Variants in ZFHX3 observed in about 807,000 individuals in gnomAD.
ZFHX3 encodes zinc finger homeobox 3.
In ZFHX3, 42 loss-of-function variants were observed where a neutral mutation model predicts 279.1. The observed-to-expected ratio is 0.15, with a 90% CI of 0.12 to 0.19. ZFHX3 has a LOEUF of 0.19. Among genes scored for constraint, ZFHX3 ranks in the 10% least tolerant of loss-of-function variants. The probability of loss-of-function intolerance (pLI) is 1.00; values close to 1 mark genes in which losing one functional copy is unlikely to be tolerated. For synonymous variants in ZFHX3, 2,293 were observed against 1,957.8 expected (o/e 1.17, Z -4.52); for missense variants, 4,981 against 4,754.0 (o/e 1.05, Z -1.40).
intron 4 of ZFHX3, among the ~76,000 whole-genome samples, chr16:72,874,190 ATTTTTTGAT>A (rs1268859437): frequency 9.8e-6 from 1 of 102,302 alleles, no homozygotes; most frequent in Non-Finnish European, 1.8e-5. Context: ...CAGATGGAGG[ATTTTTTGAT>A]TTTTTTTTTT....
intron 4 of ZFHX3, among the ~76,000 whole-genome samples, chr16:72,866,638 G>T (rs1236902786): frequency 1.3e-5 from 2 of 152,304 alleles, no homozygotes; most frequent in African/African-American, 4.8e-5. Context: ...TCTTCACTGA[G>T]TAAGAAAGAA....
At chr16:73,606,788 T>G (rs1192415964) in intron 2 of ZFHX3, among the ~76,000 whole-genome samples, 1 of 152,144 alleles carries the variant, frequency 6.6e-6, no homozygotes, top group African/African-American at 2.4e-5. Flanking sequence ...TGTGTCCATG[T>G]GTTCTCATTG....
At chr16:73,167,442 G>C (rs1967400842) in intron 5 of ZFHX3, among the ~76,000 whole-genome samples, 1 of 152,212 alleles carries the variant, frequency 6.6e-6, no homozygotes, top group Admixed American at 6.5e-5. Flanking sequence ...GTGCGATTGA[G>C]TGAAATTGCT....
chr16:72,825,412 G>T (rs913132430), intron 5 of ZFHX3, among the ~76,000 whole-genome samples: 4 of 152,222 alleles, frequency 2.6e-5, no homozygotes, highest in East Asian at 1.9e-4. Flanking sequence ...CTGAGAGATG[G>T]TATATTGGTA....
At chr16:72,971,655 C>A (rs2144510467) in intron 1 of ZFHX3, among the ~76,000 whole-genome samples, 1 of 152,218 alleles carries the variant, frequency 6.6e-6, no homozygotes, top group Non-Finnish European at 1.5e-5. Context: ...ACGTGCCAAA[C>A]TGTCCCCCAG....
At chr16:73,021,830 CAAAAAAA>C (rs60811631) in intron 1 of ZFHX3, among the ~76,000 whole-genome samples, 1 of 71,822 alleles carries the variant, frequency 1.4e-5, no homozygotes, top group Non-Finnish European at 2.7e-5. Flanking sequence ...GACTCCATCT[CAAAAAAA>C]AAAAAAAAAA....
chr16:73,170,935 A>C (rs1967506559), intron 5 of ZFHX3, among the ~76,000 whole-genome samples: 1 of 152,108 alleles, frequency 6.6e-6, no homozygotes, highest in Non-Finnish European at 1.5e-5. Context: ...GCACCGTGGA[A>C]AATCCAGAGC....
chr16:73,847,731 G>T (rs1369229027), intron 1 of ZFHX3, among the ~76,000 whole-genome samples: 1 of 151,710 alleles, frequency 6.6e-6, no homozygotes, highest in East Asian at 1.9e-4. Context: ...GCAAGTATTT[G>T]ATAAGTAATA....
At chr16:73,392,201 C>G (rs144706455) in intron 3 of ZFHX3, among the ~76,000 whole-genome samples, 6,172 of 151,818 alleles carry the variant, frequency 0.041, 259 homozygotes, top group Non-Finnish European at 0.052. Context: ...GGGTGGTTCA[C>G]TTGAGGTCAG....
intron 2 of ZFHX3, among the ~76,000 whole-genome samples, chr16:73,471,101 C>T (rs1275795768): frequency 6.6e-6 from 1 of 152,102 alleles, no homozygotes; most frequent in African/African-American, 2.4e-5. Context: ...TGTCTAATGA[C>T]ATCTATTCAG....
rs372291068 is a variant in ZFHX3 at position 72,959,750 on chromosome 16, C to G, written c.396G>C (p.Glu132Asp). 5 of 1,611,032 alleles carry G rather than the reference C, an allele frequency of 3.1e-6. No homozygotes were observed. The African/African-American group carries it at 6.7e-5, about 22-fold the overall frequency. Residue 132 changes from glutamate to aspartate, a missense_variant, in exon 2 of 10, where the codon GAG (glutamate) becomes GAC (aspartate). Physicochemically the swap from Glu to Asp is conservative, Grantham distance 45. Around this residue, in one of 7 missense-constraint regions of ZFHX3, gnomAD observed 1,068 missense variants for 935.2 expected, o/e 1.14. Coordinates refer to ENST00000268489, the MANE Select transcript of ZFHX3 (RefSeq NM_006885.4). ...EESDVENLAG[E>D]IVYQPDGSAY... ...CGGAGCCGTCCGGCTGGTAGACGAT[C>G]TCCCCGGCCAGGTTCTCCACGTCAC... is the stretch of plus-strand genomic sequence containing the variant.
chr16:72,948,135 CCT>C (rs1960796512), intron 3 of ZFHX3, among the ~76,000 whole-genome samples: 2 of 152,176 alleles, frequency 1.3e-5, no homozygotes, highest in Non-Finnish European at 2.9e-5. Flanking sequence ...CTCCCCGCCC[CCT>C]GTGGCGAAGC....
chr16:73,266,532 T>C (rs886858839), intron 4 of ZFHX3, among the ~76,000 whole-genome samples: 1 of 152,198 alleles, frequency 6.6e-6, no homozygotes, highest in Non-Finnish European at 1.5e-5. Flanking sequence ...TTCATCCACA[T>C]GTCTCCATTT....
intron 4 of ZFHX3, among the ~76,000 whole-genome samples, chr16:72,835,854 C>T (rs899411314): frequency 3.3e-5 from 5 of 152,170 alleles, no homozygotes; most frequent in Admixed American, 2.0e-4. Flanking sequence ...AACACTCTAG[C>T]GTGTCCAATC....
At chr16:72,982,707 C>T (rs1962664428) in intron 1 of ZFHX3, among the ~76,000 whole-genome samples, 1 of 152,106 alleles carries the variant, frequency 6.6e-6, no homozygotes, top group African/African-American at 2.4e-5. Flanking sequence ...GAAACAAATC[C>T]ACTAAAGCAC....
At chr16:73,018,481 C>T in intron 1 of ZFHX3, among the ~76,000 whole-genome samples, 1 of 152,058 alleles carries the variant, frequency 6.6e-6, no homozygotes, top group East Asian at 1.9e-4. Context: ...AGCCTGTAGT[C>T]CCAGCTACTT....
chr16:73,271,614 GGAT>G (rs1193547282), intron 4 of ZFHX3, among the ~76,000 whole-genome samples: 2 of 152,230 alleles, frequency 1.3e-5, no homozygotes, highest in African/African-American at 4.8e-5. Flanking sequence ...TGTAAAATGG[GGAT>G]GATAATAGGA....
chr16:72,834,940 C>T (rs1167552989), intron 4 of ZFHX3, among the ~76,000 whole-genome samples: 1 of 152,144 alleles, frequency 6.6e-6, no homozygotes, highest in Non-Finnish European at 1.5e-5. Flanking sequence ...TCCCTCTGTT[C>T]CTAACTCTTA....
chr16:73,478,994 G>A (rs1463234865), intron 2 of ZFHX3, among the ~76,000 whole-genome samples: 1 of 152,202 alleles, frequency 6.6e-6, no homozygotes, highest in Non-Finnish European at 1.5e-5. Flanking sequence ...AGATGTTGCA[G>A]TGAGCCGAGA....
Sources: gnomAD v4.1 joint callset for allele counts (sites outside exome capture counted in the v4.1 genomes callset) on GRCh38, gnomAD v4.1.1 for gene constraint, gnomAD v4.1.1 regional missense constraint, MANE v1.5 for transcripts, NCBI Gene and HGNC (gene_info 2026-07-23, HGNC 2026-07-21) for gene names.